The following TMEM63C variants were observed in gnomAD, a reference collection of about 807,000 sequenced individuals.
TMEM63C encodes transmembrane protein 63C, also known as osmosensitive cation channel TMEM63C.
In TMEM63C, 32 loss-of-function variants were observed where a neutral mutation model predicts 99.2. The ratio of observed to expected loss-of-function variants is 0.32; its 90% CI spans 0.24 to 0.43. The LOEUF is 0.43. TMEM63C is among the 20% of genes least tolerant of loss of function. The probability of loss-of-function intolerance (pLI) is 1.00; values close to 1 mark genes in which losing one functional copy is unlikely to be tolerated. For synonymous variants in TMEM63C, 376 were observed against 397.9 expected (o/e 0.94, Z 0.66); for missense variants, 826 against 1,053.0 (o/e 0.78, Z 2.98).
At chr14:77,194,557 T>TTCTTTCTCTTTCTTTCTTTCTG (rs56126959) in intron 1 of TMEM63C, among the ~76,000 whole-genome samples, 1 of 118,570 alleles carries the variant, frequency 8.4e-6, no homozygotes, top group African/African-American at 3.4e-5. Context: ...TTCTTTCTCT[T>TTCTTTCTCTTTCTTTCTTTCTG]TCTTTCTTTC....
At chr14:77,216,714 T>C (rs963236144) in intron 2 of TMEM63C, among the ~76,000 whole-genome samples, 2 of 152,222 alleles carry the variant, frequency 1.3e-5, no homozygotes, top group African/African-American at 4.8e-5. Context: ...GCAAATCTTG[T>C]TGGCTCCACA....
chr14:77,202,885 C>T (rs1888325895), intron 1 of TMEM63C, among the ~76,000 whole-genome samples: 2 of 150,384 alleles, frequency 1.3e-5, no homozygotes, highest in Admixed American at 1.3e-4. Flanking sequence ...ACCCCTCTAC[C>T]TGGCACATGG....
chr14:77,257,514 T>G lies in TMEM63C; in HGVS notation c.*788T>G, dbSNP rs970372851. 3 of 152,150 alleles carry G rather than the reference T, an allele frequency of 2.0e-5. No homozygotes were observed. Among genetic ancestry groups the G allele is most frequent in the African/African-American group, 7.2e-5 (3 of 41,396 alleles). 9.4% of individuals were successfully genotyped at this position (152,150 alleles called of 1,614,324 possible). A position where few individuals can be genotyped will look rare whatever the true frequency, so the allele number is the denominator to read the frequency against. On this transcript the variant is annotated 3_prime_UTR_variant, in exon 24 of 24. Transcript: ENST00000298351. ...TTAGTCCTTGCTGGGTAACACAAAGTGGGGTGAGACGACAGAAGCCGAATT... is the reference window on the plus strand; with the variant it reads ...TTAGTCCTTGCTGGGTAACACAAAGGGGGGTGAGACGACAGAAGCCGAATT...
chr14:77,239,120 CTG>C (rs1356106170), intron 10 of TMEM63C, among the ~76,000 whole-genome samples: 1 of 152,244 alleles, frequency 6.6e-6, no homozygotes. Context: ...CCCAAGGACA[CTG>C]TTCACTGAGC....
intron 16 of TMEM63C, among the ~76,000 whole-genome samples, 161 bp from the exon 17 acceptor site, chr14:77,245,779 C>G (rs939666522): frequency 6.6e-6 from 1 of 152,206 alleles, no homozygotes; most frequent in Non-Finnish European, 1.5e-5. Context: ...CACTGGGTCC[C>G]TCCCACAACA....
chr14:77,224,195 G>A (rs936285028), intron 5 of TMEM63C, among the ~76,000 whole-genome samples: 9 of 151,986 alleles, frequency 5.9e-5, no homozygotes, highest in Admixed American at 4.6e-4. Context: ...TTATGCCGAG[G>A]GGAGCAAGGG....
intron 1 of TMEM63C, among the ~76,000 whole-genome samples, chr14:77,195,080 C>A (rs1336793472): frequency 6.6e-6 from 1 of 151,576 alleles, no homozygotes; most frequent in East Asian, 1.9e-4. Context: ...ATAGTGAGAC[C>A]CCATCTCAAA....
intron 1 of TMEM63C, among the ~76,000 whole-genome samples, chr14:77,196,916 C>T (rs1888225393): frequency 6.6e-6 from 1 of 152,166 alleles, no homozygotes. Context: ...GCCCCACGCT[C>T]CTCTTCCTCT....
rs140399945 is a variant in TMEM63C, at chr14:77,205,781, C to T, written c.-76-7665C>T. Among the ~76,000 whole-genome samples, 386 of 152,294 alleles carry T rather than the reference C, an allele frequency of 2.5e-3. 1 individual carries two copies. Among genetic ancestry groups the T allele is most frequent in the African/African-American group, 8.6e-3 (359 of 41,560 alleles). Reference sequence around the variant, plus strand: ...GGGCCTCCCCTGGTCCCAGCCTCTGCCCAGGAGCAGGCCAGGAGCAGAGAG... The same window carrying T: ...GGGCCTCCCCTGGTCCCAGCCTCTGTCCAGGAGCAGGCCAGGAGCAGAGAG... On this transcript the variant is annotated intron_variant, in intron 1 of 23. Coordinates refer to ENST00000298351, the MANE Select transcript of TMEM63C (RefSeq NM_020431.4).
chr14:77,200,401 GCAAA>G (rs1208864467), intron 1 of TMEM63C, among the ~76,000 whole-genome samples: 2 of 152,186 alleles, frequency 1.3e-5, no homozygotes, highest in East Asian at 3.9e-4. Context: ...TTCATCACAA[GCAAA>G]CCTGTGAATA....
chr14:77,250,521 C>T (rs1235627126), intron 21 of TMEM63C, among the ~76,000 whole-genome samples: 2 of 151,382 alleles, frequency 1.3e-5, no homozygotes, highest in African/African-American at 4.9e-5. Flanking sequence ...CCCACTGCAA[C>T]CTCCGCCTCC....
chr14:77,234,459 C>A (rs1045940854), intron 8 of TMEM63C, among the ~76,000 whole-genome samples: 2 of 152,152 alleles, frequency 1.3e-5, no homozygotes, highest in African/African-American at 4.8e-5. Flanking sequence ...ATCTTCCCAA[C>A]AAAAAGTGAA....
chr14:77,239,472 G>A lies in TMEM63C; in HGVS notation c.786G>A (p.Leu262=), dbSNP rs762326291. 3.7e-6 allele frequency: 6 copies of A among 1,613,578 alleles called. No homozygotes were observed. Among genetic ancestry groups the A allele is most frequent in the Admixed American group, 1.7e-5 (1 of 60,012 alleles). ...ACTTCTGCTACGACGTCAGGAACCT[G>A]ATCGACTTGGACGATCAGAGGTGAG... ...RVHFCYDVRN[L]IDLDDQRRHA... Residue 262 remains leucine, a synonymous_variant, in exon 11 of 24, where the codon CTG becomes CTA. Coordinates refer to ENST00000298351, the MANE Select transcript of TMEM63C (RefSeq NM_020431.4).
chr14:77,183,913 CA>C (rs1477657929), intron 1 of TMEM63C, among the ~76,000 whole-genome samples: 2 of 152,162 alleles, frequency 1.3e-5, no homozygotes, highest in Non-Finnish European at 2.9e-5. Flanking sequence ...GTGTCCCTCC[CA>C]GCTAGCAGAG....
intron 23 of TMEM63C, among the ~76,000 whole-genome samples, chr14:77,253,709 G>A (rs989574668): frequency 2.0e-5 from 3 of 152,236 alleles, no homozygotes; most frequent in African/African-American, 4.8e-5. Flanking sequence ...GATTGGCCTC[G>A]GGACCAAAGG....
chr14:77,231,877 C>A, intron 7 of TMEM63C, 147 bp downstream of exon 7: 1 of 933,866 alleles, frequency 1.1e-6, no homozygotes, highest in Non-Finnish European at 1.6e-6. Flanking sequence ...ACAAACCATG[C>A]TTCGCTTCTC....
chr14:77,183,919 G>C (rs1566613509), intron 1 of TMEM63C, among the ~76,000 whole-genome samples: 1 of 152,314 alleles, frequency 6.6e-6, no homozygotes, highest in Non-Finnish European at 1.5e-5. Flanking sequence ...CTCCCAGCTA[G>C]CAGAGAAAGG....
At chr14:77,232,437 G>A (rs186040535) in intron 7 of TMEM63C, among the ~76,000 whole-genome samples, 7 of 152,076 alleles carry the variant, frequency 4.6e-5, no homozygotes, top group Admixed American at 2.6e-4. Flanking sequence ...ACAGGCACCC[G>A]CCTCCACACC....
At chr14:77,235,006 G>A (rs1406055998) in intron 8 of TMEM63C, among the ~76,000 whole-genome samples, 1 of 152,178 alleles carries the variant, frequency 6.6e-6, no homozygotes, top group Non-Finnish European at 1.5e-5. Context: ...CTTGAGAGGG[G>A]CACCGACCCT....
Sources: gnomAD v4.1 joint callset for allele counts (sites outside exome capture counted in the v4.1 genomes callset) on GRCh38, gnomAD v4.1.1 for gene constraint, MANE v1.5 for transcripts, NCBI Gene and HGNC (gene_info 2026-07-23, HGNC 2026-07-21) for gene names.